Variants in LRP1B observed in about 807,000 individuals in gnomAD.
LRP1B encodes the protein LDL receptor related protein 1B, also known as low-density lipoprotein receptor-related protein 1B.
Under a neutral mutation model 556.6 loss-of-function variants are expected in LRP1B, and 217 were observed. The observed-to-expected ratio is 0.39, with a 90% CI of 0.35 to 0.44. LRP1B has a LOEUF of 0.44. Among genes scored for constraint, LRP1B ranks in the 20% least tolerant of loss-of-function variants. The pLI is 1.00. For missense variants in LRP1B, 5,053 were observed against 5,620.8 expected (o/e 0.90, Z 3.23); for synonymous variants, 2,047 against 1,865.8 (o/e 1.10, Z -2.50).
At chr2:140,781,530 C>T (rs192138777) in intron 32 of LRP1B, among the ~76,000 whole-genome samples, 1 of 152,164 alleles carries the variant, frequency 6.6e-6, no homozygotes, top group African/African-American at 2.4e-5. Flanking sequence ...AGTATGATTG[C>T]AGATGATGGA....
intron 41 of LRP1B, among the ~76,000 whole-genome samples, chr2:140,650,202 C>G (rs1027652646): frequency 2.6e-5 from 4 of 151,446 alleles, no homozygotes; most frequent in Non-Finnish European, 4.4e-5. Flanking sequence ...GAATGTTTTA[C>G]TTTTTCTAAT....
At chr2:140,567,723 C>G (rs1166187836) in intron 43 of LRP1B, among the ~76,000 whole-genome samples, 1 of 152,202 alleles carries the variant, frequency 6.6e-6, no homozygotes, top group Non-Finnish European at 1.5e-5. Flanking sequence ...TCGCCTATGT[C>G]AGACCCAAAA....
intron 1 of LRP1B, among the ~76,000 whole-genome samples, chr2:142,046,807 A>G (rs1164830712): frequency 2.0e-5 from 3 of 152,048 alleles, no homozygotes; most frequent in Admixed American, 6.6e-5. Flanking sequence ...AGTAGGCAGC[A>G]TCTGCAAAGT....
chr2:140,792,731 G>A (rs1285132499), intron 32 of LRP1B, among the ~76,000 whole-genome samples: 1 of 152,066 alleles, frequency 6.6e-6, no homozygotes, highest in Non-Finnish European at 1.5e-5. Flanking sequence ...GTCTAACCAG[G>A]TATTTCAAGT....
intron 2 of LRP1B, among the ~76,000 whole-genome samples, chr2:141,750,002 T>C (rs546496888): frequency 3.3e-5 from 5 of 152,252 alleles, no homozygotes; most frequent in East Asian, 1.9e-4. Context: ...AAGCTAAGCA[T>C]TGGCAAACTA....
At chr2:142,120,127 G>GTTTGT (rs1374029546) in intron 1 of LRP1B, among the ~76,000 whole-genome samples, 3 of 152,016 alleles carry the variant, frequency 2.0e-5, no homozygotes, top group African/African-American at 7.3e-5. Flanking sequence ...TTGTTTGTTT[G>GTTTGT]TTTTTTGAGA....
intron 63 of LRP1B, among the ~76,000 whole-genome samples, chr2:140,449,527 G>T (rs1413569172): frequency 1.3e-5 from 2 of 151,916 alleles, no homozygotes; most frequent in Non-Finnish European, 2.9e-5. Context: ...TCAGAAACAA[G>T]ATTATATTAG....
At chr2:141,588,204 T>A (rs973880640) in intron 2 of LRP1B, among the ~76,000 whole-genome samples, 2 of 152,002 alleles carry the variant, frequency 1.3e-5, no homozygotes, top group Non-Finnish European at 2.9e-5. Flanking sequence ...AACAAAGTTG[T>A]TAAAATTTGT....
intron 35 of LRP1B, among the ~76,000 whole-genome samples, chr2:140,755,863 GAGA>G (rs931355613): frequency 2.0e-5 from 3 of 151,922 alleles, no homozygotes; most frequent in South Asian, 2.1e-4. Flanking sequence ...GAAGTAGAAG[GAGA>G]AGAAGGAGGA....
intron 2 of LRP1B, among the ~76,000 whole-genome samples, chr2:141,613,630 GCTAAC>G (rs1369424107): frequency 6.6e-6 from 1 of 152,006 alleles, no homozygotes; most frequent in Non-Finnish European, 1.5e-5. Flanking sequence ...TTCCATTTTG[GCTAAC>G]CTTCGCAAAC....
At chr2:140,379,350 G>A (rs1389214289) in intron 67 of LRP1B, among the ~76,000 whole-genome samples, 2 of 152,150 alleles carry the variant, frequency 1.3e-5, no homozygotes, top group Non-Finnish European at 1.5e-5. Context: ...TACATATAGA[G>A]TAACATCTTG....
At chr2:140,658,710 T>C (rs902765015) in intron 41 of LRP1B, among the ~76,000 whole-genome samples, 2 of 151,410 alleles carry the variant, frequency 1.3e-5, no homozygotes, top group African/African-American at 4.9e-5. Context: ...TATTTATTTA[T>C]TTTCTGTCCA....
intron 31 of LRP1B, among the ~76,000 whole-genome samples, chr2:140,833,110 C>A (rs1383528232): frequency 6.6e-6 from 1 of 152,048 alleles, no homozygotes; most frequent in Non-Finnish European, 1.5e-5. Flanking sequence ...AGTGTTGGTT[C>A]CCACCTTGTA....
chr2:140,791,618 C>T (rs1041014130), intron 32 of LRP1B, among the ~76,000 whole-genome samples: 1 of 152,022 alleles, frequency 6.6e-6, no homozygotes, highest in Non-Finnish European at 1.5e-5. Context: ...AGTGCTATGT[C>T]TATATTTTTT....
chr2:140,426,741 T>C (rs918290331), intron 66 of LRP1B, among the ~76,000 whole-genome samples: 9 of 152,202 alleles, frequency 5.9e-5, no homozygotes, highest in East Asian at 1.9e-4. Context: ...CCAGGTGAAA[T>C]AAACAGCCTT....
At chr2:140,553,030 C>T (rs1680601824) in intron 43 of LRP1B, among the ~76,000 whole-genome samples, 1 of 151,944 alleles carries the variant, frequency 6.6e-6, no homozygotes, top group African/African-American at 2.4e-5. Flanking sequence ...AACATATTTC[C>T]AACACCCAGA....
chr2:141,462,199 T>C (rs974693647), intron 3 of LRP1B, among the ~76,000 whole-genome samples: 2 of 152,196 alleles, frequency 1.3e-5, no homozygotes, highest in South Asian at 4.1e-4. Context: ...GTCTAGCCCA[T>C]CAATTGTGAT....
At chr2:140,487,824 T>G (rs1380438437) in intron 57 of LRP1B, 85 bp from the exon 58 acceptor site, 8 of 856,146 alleles carry the variant, frequency 9.3e-6, no homozygotes, top group African/African-American at 9.0e-5. Flanking sequence ...AATCACTGTC[T>G]TCCTTTGAAA....
chr2:141,554,091 T>TA (rs1247086314), intron 2 of LRP1B, among the ~76,000 whole-genome samples: 1 of 121,120 alleles, frequency 8.3e-6, no homozygotes, highest in African/African-American at 3.4e-5. Context: ...GACATATAGA[T>TA]TATATATATC....
Sources: allele counts gnomAD v4.1 joint callset (sites outside exome capture counted in the v4.1 genomes callset), GRCh38; gene constraint gnomAD v4.1.1; transcripts MANE v1.5; gene names NCBI Gene and HGNC (gene_info 2026-07-23, HGNC 2026-07-21).